DSCAM: variants seen among roughly 807,000 people sequenced by gnomAD.
DSCAM encodes DS cell adhesion molecule.
In DSCAM, 47 loss-of-function variants were observed where a neutral mutation model predicts 217.7. The observed-to-expected ratio is 0.22, with a 90% CI of 0.17 to 0.28. The LOEUF is 0.28. Ranked by LOEUF, DSCAM falls within the 10% of genes least tolerant of loss-of-function variation. The probability of loss-of-function intolerance (pLI) is 1.00; values close to 1 mark genes in which losing one functional copy is unlikely to be tolerated. For missense variants in DSCAM, 2,080 were observed against 2,618.3 expected (o/e 0.79, Z 4.49); for synonymous variants, 1,056 against 1,015.3 (o/e 1.04, Z -0.76).
At chr21:40,175,805 A>ACACACACACACG (rs879840957) in intron 15 of DSCAM, among the ~76,000 whole-genome samples, 52 of 112,640 alleles carry the variant, frequency 4.6e-4, no homozygotes, top group East Asian at 3.4e-3. Flanking sequence ...ACACACACAC[A>ACACACACACACG]CACGCACACA....
At chr21:40,601,976 T>C (rs114813774) in intron 3 of DSCAM, among the ~76,000 whole-genome samples, 70 of 152,162 alleles carry the variant, frequency 4.6e-4, no homozygotes, top group African/African-American at 1.7e-3. Flanking sequence ...AGTTTTCTTG[T>C]GATGTCTTTA....
intron 11 of DSCAM, among the ~76,000 whole-genome samples, chr21:40,189,522 GA>G (rs2090932731): frequency 6.6e-6 from 1 of 152,176 alleles, no homozygotes; most frequent in Admixed American, 6.5e-5. Flanking sequence ...AGCACACCCA[GA>G]ATGATTGATA....
intron 16 of DSCAM, among the ~76,000 whole-genome samples, chr21:40,158,151 G>A (rs548951948): frequency 9.2e-5 from 14 of 152,262 alleles, no homozygotes; most frequent in East Asian, 3.9e-4. Flanking sequence ...TTAGGAGGCC[G>A]AGGCAGGAGG....
intron 16 of DSCAM, 41 bp downstream of exon 16, chr21:40,167,177 G>T: frequency 1.9e-6 from 3 of 1,575,896 alleles, no homozygotes; most frequent in Non-Finnish European, 2.6e-6. Context: ...GGCTCGCCCT[G>T]GGGGGAAAGC....
intron 3 of DSCAM, among the ~76,000 whole-genome samples, chr21:40,667,052 G>GC (rs1245660970): frequency 6.6e-6 from 1 of 152,202 alleles, no homozygotes; most frequent in African/African-American, 2.4e-5. Flanking sequence ...TTGGTGGGAT[G>GC]CCCCACTCTC....
At chr21:40,587,946 T>G (rs1276182654) in intron 3 of DSCAM, among the ~76,000 whole-genome samples, 6 of 152,218 alleles carry the variant, frequency 3.9e-5, no homozygotes, top group African/African-American at 1.4e-4. Flanking sequence ...GAGCTACTAC[T>G]GGTGCACTGC....
At chr21:40,550,649 A>G (rs1021434897) in intron 3 of DSCAM, among the ~76,000 whole-genome samples, 1 of 152,224 alleles carries the variant, frequency 6.6e-6, no homozygotes, top group Non-Finnish European at 1.5e-5. Context: ...GTCTTTGTGG[A>G]TATTTCTCTA....
At chr21:40,639,354 G>C (rs2089848822) in intron 3 of DSCAM, among the ~76,000 whole-genome samples, 1 of 152,152 alleles carries the variant, frequency 6.6e-6, no homozygotes, top group South Asian at 2.1e-4. Context: ...AAGCTTTTTA[G>C]TATGTGACAT....
chr21:40,370,757 A>G (rs1569089978), intron 3 of DSCAM, among the ~76,000 whole-genome samples: 2 of 152,056 alleles, frequency 1.3e-5, no homozygotes, highest in Admixed American at 6.6e-5. Context: ...AATAGCTGGA[A>G]CTATGGGAGT....
At chr21:40,268,029 C>T (rs2073564322) in intron 11 of DSCAM, among the ~76,000 whole-genome samples, 1 of 152,132 alleles carries the variant, frequency 6.6e-6, no homozygotes, top group African/African-American at 2.4e-5. Flanking sequence ...AAACAGGGTC[C>T]CTGCTGCTCC....
intron 32 of DSCAM, among the ~76,000 whole-genome samples, chr21:40,038,158 T>A (rs946989504): frequency 6.6e-6 from 1 of 150,422 alleles, no homozygotes; most frequent in East Asian, 2.0e-4. Flanking sequence ...AAAGCCAAAA[T>A]TGACAAATGG....
At chr21:40,017,773 TA>T (rs1402677245) in intron 32 of DSCAM, among the ~76,000 whole-genome samples, 1 of 152,168 alleles carries the variant, frequency 6.6e-6, no homozygotes. Context: ...GCTGGTCTCA[TA>T]TTCCTGACCT....
intron 9 of DSCAM, among the ~76,000 whole-genome samples, chr21:40,311,702 A>G (rs947716290): frequency 6.6e-6 from 1 of 152,196 alleles, no homozygotes; most frequent in Admixed American, 6.5e-5. Flanking sequence ...TATTTTTTAA[A>G]AAACCATTTA....
chr21:40,254,340 A>T (rs537325382), intron 11 of DSCAM, among the ~76,000 whole-genome samples: 34 of 152,334 alleles, frequency 2.2e-4, no homozygotes, highest in Non-Finnish European at 4.1e-4. Flanking sequence ...ACTGGCTATG[A>T]TGATATAAGG....
At chr21:40,033,659 G>T (rs1220073911) in intron 32 of DSCAM, among the ~76,000 whole-genome samples, 3 of 151,844 alleles carry the variant, frequency 2.0e-5, no homozygotes, top group Non-Finnish European at 4.4e-5. Flanking sequence ...AGCTCGAACT[G>T]GGTGGAGCCC....
intron 8 of DSCAM, 27 bp downstream of exon 8, chr21:40,338,074 T>C: frequency 6.2e-7 from 1 of 1,609,002 alleles, no homozygotes; most frequent in African/African-American, 1.3e-5. Context: ...GAATGAGTTG[T>C]GTGGGAACCA....
At chr21:40,790,056 C>T (rs1294771886) in intron 1 of DSCAM, among the ~76,000 whole-genome samples, 1 of 152,008 alleles carries the variant, frequency 6.6e-6, no homozygotes, top group African/African-American at 2.4e-5. Context: ...AGGCTCAGTA[C>T]AGAAACGGAT....
chr21:40,540,778 A>G (rs2076537098), intron 3 of DSCAM, among the ~76,000 whole-genome samples: 1 of 152,098 alleles, frequency 6.6e-6, no homozygotes, highest in Non-Finnish European at 1.5e-5. Context: ...ATCAACTTCA[A>G]TCCGTTTTTA....
Position 40,560,015 on chromosome 21 carries a change from G to C in DSCAM, c.508+132795C>G, listed in dbSNP as rs182668481. ...TCACCGTGTTAGCCAGGATGGTCTCGATCTCCTGACCTCGTGATCCGCCCG... is the reference window on the plus strand; with the variant it reads ...TCACCGTGTTAGCCAGGATGGTCTCCATCTCCTGACCTCGTGATCCGCCCG... On this transcript the variant is annotated intron_variant, in intron 3 of 32. Transcript: ENST00000400454. 1.3e-3 allele frequency among the ~76,000 whole-genome samples: 201 copies of C among 152,094 alleles called. No homozygotes were observed. In the East Asian group the frequency reaches 0.027, roughly 21 times the overall value.
Sources: allele counts gnomAD v4.1 joint callset (sites outside exome capture counted in the v4.1 genomes callset), GRCh38; gene constraint gnomAD v4.1.1; transcripts MANE v1.5; gene names NCBI Gene and HGNC (gene_info 2026-07-23, HGNC 2026-07-21).